ANO4: variants seen among roughly 807,000 people sequenced by gnomAD.
ANO4 encodes the protein anoctamin 4, also known as anoctamin-4.
A neutral mutation model predicts 141.9 loss-of-function variants in ANO4; 69 were observed. The ratio of observed to expected loss-of-function variants is 0.49; its 90% CI spans 0.40 to 0.59. The LOEUF is 0.59. Ranked by LOEUF, ANO4 falls within the 20% of genes least tolerant of loss-of-function variation. The probability of loss-of-function intolerance (pLI) is 0.00; values close to 1 mark genes in which losing one functional copy is unlikely to be tolerated. For missense variants in ANO4, 894 were observed against 1,162.2 expected (o/e 0.77, Z 3.36); for synonymous variants, 350 against 394.3 (o/e 0.89, Z 1.33).
At chr12:100,807,315 T>A (rs2135689650) in intron 1 of ANO4, among the ~76,000 whole-genome samples, 1 of 152,264 alleles carries the variant, frequency 6.6e-6, no homozygotes, top group East Asian at 1.9e-4. Flanking sequence ...TAGAACTATT[T>A]TTGGAGAGTC....
chr12:100,942,427 G>T lies in ANO4; in HGVS notation c.348G>T (p.Lys116Asn). Residue 116 changes from lysine to asparagine, a missense_variant, in exon 5 of 28, where the codon AAG becomes AAT. This residue lies in a region of ANO4 where 257 missense variants were observed against 253.0 expected (regional missense o/e 1.02). Coordinates refer to ENST00000392977, the MANE Select transcript of ANO4 (RefSeq NM_001286615.2). ...ATGGACTTTACTTTCGAGATGGAAAGTGTCGAATTGACTACATCCTTGTGT... is the reference window on the plus strand; with the variant it reads ...ATGGACTTTACTTTCGAGATGGAAATTGTCGAATTGACTACATCCTTGTGT... ...KSNGLYFRDG[K>N]CRIDYILVYR... The T allele has an allele frequency of 1.2e-6, 2 of 1,614,096 alleles. No homozygotes were observed. Among genetic ancestry groups the T allele is most frequent in the South Asian group, 2.2e-5 (2 of 91,070 alleles).
Position 100,901,727 on chromosome 12 carries a change from G to A in ANO4, c.-59G>A, listed in dbSNP as rs752370533. The A allele has an allele frequency of 1.1e-5, 16 of 1,516,092 alleles. No individual in the cohort carries two copies. Among genetic ancestry groups the A allele is most frequent in the Admixed American group, 5.0e-5 (3 of 59,854 alleles). The allele number at this position is 1,516,092 out of a possible 1,614,324, so 93.9% of individuals were successfully genotyped here. On this transcript the variant is annotated 5_prime_UTR_variant, in exon 2 of 28. Transcript: ENST00000392977. ...AGTGTGGCAAGCCGCCCAGCGTCAC[G>A]TCGTCGCCTGCCTGTGGTCAGGCAT...
At chr12:101,126,774 A>C in intron 26 of ANO4, 105 bp from the exon 27 acceptor site, 1 of 1,045,684 alleles carries the variant, frequency 9.6e-7, no homozygotes, top group Non-Finnish European at 1.4e-6. Flanking sequence ...GTCACTTTGC[A>C]CTCTCCACAT....
chr12:100,921,012 A>G (rs906231955), intron 2 of ANO4, among the ~76,000 whole-genome samples: 1 of 152,150 alleles, frequency 6.6e-6, no homozygotes, highest in East Asian at 1.9e-4. Flanking sequence ...GCATTATCTA[A>G]TAAGAATTTC....
intron 9 of ANO4, among the ~76,000 whole-genome samples, chr12:101,034,100 A>G (rs1169636608): frequency 2.0e-5 from 3 of 152,192 alleles, no homozygotes; most frequent in Non-Finnish European, 4.4e-5. Flanking sequence ...AGTATCTAGA[A>G]CCAGAAATAC....
chr12:100,876,314 A>G (rs892578455), intron 1 of ANO4, among the ~76,000 whole-genome samples: 8 of 150,108 alleles, frequency 5.3e-5, no homozygotes, highest in Non-Finnish European at 7.4e-5. Context: ...AATTATCAAG[A>G]TGGAATTGCT....
intron 14 of ANO4, among the ~76,000 whole-genome samples, chr12:101,077,678 T>C (rs756761749): frequency 1.6e-4 from 24 of 152,258 alleles, no homozygotes; most frequent in South Asian, 6.2e-4. Flanking sequence ...TACATACTAA[T>C]GTACTCAAAT....
intron 7 of ANO4, among the ~76,000 whole-genome samples, chr12:100,978,286 A>T (rs1029712194): frequency 6.6e-6 from 1 of 152,262 alleles, no homozygotes; most frequent in African/African-American, 2.4e-5. Context: ...GAAAAGAAGC[A>T]TAGAAAAACC....
intron 3 of ANO4, among the ~76,000 whole-genome samples, chr12:100,761,935 C>A (rs1008035526): frequency 6.6e-6 from 1 of 152,152 alleles, no homozygotes; most frequent in Non-Finnish European, 1.5e-5. Flanking sequence ...TTCTCTGCTT[C>A]TGGGTTTTTC....
intron 2 of ANO4, among the ~76,000 whole-genome samples, chr12:100,913,800 G>A (rs1275624651): frequency 6.6e-6 from 1 of 152,188 alleles, no homozygotes; most frequent in East Asian, 1.9e-4. Context: ...GATTGTCTGA[G>A]TTTGAGCTGA....
chr12:101,096,912 C>T (rs2050007280), intron 19 of ANO4, among the ~76,000 whole-genome samples: 1 of 152,164 alleles, frequency 6.6e-6, no homozygotes, highest in Non-Finnish European at 1.5e-5. Context: ...GCATTGAAAA[C>T]TTCTGGCCTC....
intron 9 of ANO4, among the ~76,000 whole-genome samples, chr12:101,031,128 C>CAA (rs1478243107): frequency 7.9e-5 from 12 of 152,228 alleles, no homozygotes; most frequent in Admixed American, 4.6e-4. Context: ...AGAGACACAA[C>CAA]AAAAAATAGA....
At chr12:101,119,805 A>T (rs1304143681) in intron 25 of ANO4, among the ~76,000 whole-genome samples, 1 of 152,224 alleles carries the variant, frequency 6.6e-6, no homozygotes, top group Non-Finnish European at 1.5e-5. Context: ...TAGTGGATTT[A>T]TGAGAGCTTG....
At chr12:100,781,111 T>C (rs974594278) in intron 3 of ANO4, among the ~76,000 whole-genome samples, 1 of 152,216 alleles carries the variant, frequency 6.6e-6, no homozygotes, top group Non-Finnish European at 1.5e-5. Flanking sequence ...GCTTTTAACT[T>C]GAACTCACAA....
chr12:100,799,176 C>G (rs1040214997), intron 1 of ANO4, among the ~76,000 whole-genome samples: 1 of 152,174 alleles, frequency 6.6e-6, no homozygotes, highest in Non-Finnish European at 1.5e-5. Flanking sequence ...GGACTGTAAC[C>G]CAGCCATTAA....
chr12:100,817,650 CATTG>C (rs2035811672), intron 1 of ANO4, among the ~76,000 whole-genome samples: 1 of 151,814 alleles, frequency 6.6e-6, no homozygotes, highest in Non-Finnish European at 1.5e-5. Context: ...CTAAACTGGT[CATTG>C]ATTTTCATAC....
At chr12:100,806,410 G>GTTTACTT (rs2035024720) in intron 1 of ANO4, among the ~76,000 whole-genome samples, 1 of 148,144 alleles carries the variant, frequency 6.8e-6, no homozygotes, top group African/African-American at 2.5e-5. Flanking sequence ...CTTTTCATGT[G>GTTTACTT]TTTACTTTGT....
At position 100,886,946 on chromosome 12, in the gene ANO4, G is replaced by A. The variant is rs79194838; in HGVS notation, c.-140-14700G>A. Among the ~76,000 whole-genome samples, 125 of 152,272 alleles carry A rather than the reference G, an allele frequency of 8.2e-4. 1 individual carries two copies. In the East Asian group the frequency reaches 0.023, roughly 28 times the overall value. ...TTCCTGGCAAGAACGATCTCCTCTT[G>A]TAGACATAGATTCTGCCTTTTTCAT... On this transcript the variant is annotated intron_variant, in intron 1 of 27. Coordinates refer to ENST00000392977, the MANE Select transcript of ANO4 (RefSeq NM_001286615.2).
At chr12:100,996,163 C>A (rs2045359666) in intron 8 of ANO4, among the ~76,000 whole-genome samples, 4 of 152,168 alleles carry the variant, frequency 2.6e-5, no homozygotes, top group Admixed American at 2.6e-4. Flanking sequence ...ATATTTAATT[C>A]ATGCATCACA....
Sources: allele counts gnomAD v4.1 joint callset (sites outside exome capture counted in the v4.1 genomes callset), GRCh38; gene constraint gnomAD v4.1.1; regional missense constraint gnomAD v4.1.1; transcripts MANE v1.5; gene names NCBI Gene and HGNC (gene_info 2026-07-23, HGNC 2026-07-21).